Variants in PLOD3 observed in about 807,000 individuals in gnomAD.
The protein encoded by PLOD3 is procollagen-lysine,2-oxoglutarate 5-dioxygenase 3.
Under a neutral mutation model 96.9 loss-of-function variants are expected in PLOD3, and 73 were observed. That is an observed-to-expected ratio of 0.75 (90% confidence interval 0.62 to 0.92). The LOEUF (loss-of-function observed/expected upper bound fraction) is 0.92, where lower values mean the gene tolerates loss of function less well. PLOD3 is among the 40% of genes least tolerant of loss of function. The probability of loss-of-function intolerance (pLI) is 0.00; values close to 1 mark genes in which losing one functional copy is unlikely to be tolerated. For missense variants in PLOD3, 1,004 were observed against 1,004.3 expected, an observed-to-expected ratio of 1.00 and a Z score of 0.00; for synonymous variants, 454 against 413.7, an observed-to-expected ratio of 1.10 and a Z score of -1.18.
At chr7:101,207,537 G>A (rs1172337439) in intron 17 of PLOD3, 41 bp downstream of exon 17, 10 of 1,603,888 alleles carry the variant, frequency 6.2e-6, no homozygotes, top group African/African-American at 1.3e-5. Flanking sequence ...CGGGACTGGG[G>A]TGGGGAAGGT....
intron 16 of PLOD3, among the ~76,000 whole-genome samples, chr7:101,208,192 G>A (rs1757790464): frequency 6.6e-6 from 1 of 152,138 alleles, no homozygotes; most frequent in Non-Finnish European, 1.5e-5. Flanking sequence ...CTAACTCTGG[G>A]GCTCAAGTGA....
At chr7:101,216,942 G>A (rs1003250709) in intron 1 of PLOD3, 156 bp from the exon 2 acceptor site, 1 of 744,934 alleles carries the variant, frequency 1.3e-6, no homozygotes, top group Non-Finnish European at 2.3e-6. Context: ...GGAGGGCAGG[G>A]TGGGAGTGGT....
Position 101,207,704 on chromosome 7 carries a change from G to A in PLOD3, c.1809C>T (p.Gly603=), listed in dbSNP as rs1798111550. 3.1e-6 allele frequency: 5 copies of A among 1,613,786 alleles called. No homozygotes were observed. The highest frequency in any genetic ancestry group is 4.2e-6 in the Non-Finnish European group (5 of 1,179,936). Residue 603 remains glycine, a synonymous_variant, in exon 17 of 19, where the codon GGC becomes GGT. Coordinates refer to ENST00000223127, the MANE Select transcript of PLOD3 (RefSeq NM_001084.5). ...GRHEDSRLAG[G]YENVPTVDIH... ...TGTCCACGGTGGGCACATTCTCGTA[G>A]CCTCCAGCCAGCCTTGAATCCTGGG...
chr7:101,214,666 T>C (rs1798240136), intron 6 of PLOD3, among the ~76,000 whole-genome samples: 1 of 152,002 alleles, frequency 6.6e-6, no homozygotes, highest in Non-Finnish European at 1.5e-5. Context: ...GGTGAAACCC[T>C]GTCTCTACTA....
rs773548323 is a variant in PLOD3, at chr7:101,212,361, T to G, written c.1019A>C (p.Glu340Ala). The change falls in exon 10 of 19, where the codon GAA (glutamate) becomes GCA (alanine). Residue 340 changes from glutamate (E) to alanine (A), a missense_variant. Glu to Ala is a moderately radical substitution (Grantham distance 107). Around this residue, in one of 5 missense-constraint regions of PLOD3, gnomAD observed 690 missense variants for 650.2 expected, o/e 1.06. Coordinates refer to ENST00000223127, the MANE Select transcript of PLOD3 (RefSeq NM_001084.5). The part of the protein sequence containing the change: ...LFLHNNEVFH[E>A]PHIADSWPQL... The stretch of plus-strand genomic sequence containing the variant: ...CGGCCAGGAGTCAGCGATGTGGGGT[T>G]CATGGAAGACCTCCTGGGAGGGGAA... The G allele has an allele frequency of 1.2e-6, 2 of 1,613,582 alleles. No homozygotes were observed. The highest frequency in any genetic ancestry group is 1.7e-6 in the Non-Finnish European group (2 of 1,179,894).
chr7:101,211,514 C>T lies in PLOD3; in HGVS notation c.1358+77G>A. 9 of 1,485,974 alleles carry T rather than the reference C, an allele frequency of 6.1e-6. No homozygotes were observed. The South Asian group carries it at 1.1e-4, about 18-fold the overall frequency. The allele number at this position is 1,485,974 out of a possible 1,614,324, so 92.0% of individuals were successfully genotyped here. On this transcript the variant is annotated intron_variant, in intron 12 of 18. Coordinates refer to ENST00000223127, the MANE Select transcript of PLOD3 (RefSeq NM_001084.5). ...CCTCTGACTGGTGACCACTCCAAAC[C>T]CCTGAGAGTAGGGGGCTTGGGTCTA...
chr7:101,217,179 G>A lies in PLOD3; in HGVS notation c.96C>T (p.Asp32=). ...ASASDRPRGR[D]PVNPEKLLVI... The stretch of plus-strand genomic sequence containing the variant: ...CCGGGATCTCACCTGGGTTGACCGG[G>A]TCTCGGCCCCGGGGCCGGTCGGAGG... Residue 32 remains aspartate, a synonymous_variant, in exon 1 of 19, where the codon GAC becomes GAT. Coordinates refer to ENST00000223127, the MANE Select transcript of PLOD3 (RefSeq NM_001084.5). 6.7e-7 allele frequency: 1 copy of A among 1,490,398 alleles called. No individual in the cohort carries two copies. Among genetic ancestry groups the A allele is most frequent in the Admixed American group, 2.4e-5 (1 of 42,362 alleles). The allele number at this position is 1,490,398 out of a possible 1,614,324, so 92.3% of individuals were successfully genotyped here.
At position 101,213,164 on chromosome 7, in the gene PLOD3, G is replaced by T. The variant is rs779123311; in HGVS notation, c.720C>A (p.Ile240=). The T allele has an allele frequency of 1.2e-6, 2 of 1,613,778 alleles. No homozygotes were observed. The highest frequency in any genetic ancestry group is 8.5e-7 in the Non-Finnish European group (1 of 1,179,762). ...VLKFDRNRVR[I]RNVAYDTLPI... ...GGAGCGTGTCGTAGGCCACGTTCCGGATACGCACACGGTTCCGATCAAACT... is the reference window on the plus strand; with the variant it reads ...GGAGCGTGTCGTAGGCCACGTTCCGTATACGCACACGGTTCCGATCAAACT... Residue 240 remains isoleucine (I), a synonymous_variant, in exon 7 of 19, where the codon ATC becomes ATA. Transcript: ENST00000223127.
At position 101,206,843 on chromosome 7, in the gene PLOD3, G is replaced by GGCCGCAGAGACGGCT. The variant is rs1191811463; in HGVS notation, c.1982_1996dup (p.Gln661_Arg665dup). 2 of 1,571,168 alleles carry GGCCGCAGAGACGGCT rather than the reference G, an allele frequency of 1.3e-6. No individual in the cohort carries two copies. Among genetic ancestry groups the GGCCGCAGAGACGGCT allele is most frequent in the Non-Finnish European group, 1.7e-6 (2 of 1,157,886 alleles). On this transcript the variant is annotated inframe_insertion, in exon 18 of 19. Coordinates refer to ENST00000223127, the MANE Select transcript of PLOD3 (RefSeq NM_001084.5). ...GGTGAAGGTGGATGAGTCGTGGTGT[G>GGCCGCAGAGACGGCT]GCCGCAGAGACGGCTGCTCGTCTGG...
Position 101,211,863 on chromosome 7 carries a change from G to T in PLOD3, c.1215C>A (p.Ile405=). 1.9e-6 allele frequency: 3 copies of T among 1,612,384 alleles called. No individual in the cohort carries two copies. Among genetic ancestry groups the T allele is most frequent in the Non-Finnish European group, 1.7e-6 (2 of 1,179,102 alleles). ...AVLTNLQTLR[I]LIEENRKVIA... Reference sequence around the variant, plus strand: ...TAAGCCACCTGTTCTCCTCAATGAGGATACGCAGGGTCTGCAGGTTGGTGA... The same window carrying T: ...TAAGCCACCTGTTCTCCTCAATGAGTATACGCAGGGTCTGCAGGTTGGTGA... Residue 405 remains isoleucine, a synonymous_variant, in exon 11 of 19, where the codon ATC becomes ATA. Coordinates refer to ENST00000223127, the MANE Select transcript of PLOD3 (RefSeq NM_001084.5).
At chr7:101,213,298 G>A in intron 6 of PLOD3, 94 bp from the exon 7 acceptor site, 1 of 824,856 alleles carries the variant, frequency 1.2e-6, no homozygotes, top group Admixed American at 2.0e-5. Flanking sequence ...ATTCTCCAGG[G>A]AATAAAGGGA....
intron 1 of PLOD3, 100 bp from the exon 2 acceptor site, chr7:101,216,886 C>T: frequency 7.0e-6 from 6 of 858,512 alleles, no homozygotes; most frequent in Non-Finnish European, 1.2e-5. Flanking sequence ...CCCTTTCTTC[C>T]TTCCCATTCT....
Position 101,206,016 on chromosome 7 carries a change from C to T in PLOD3, c.*265G>A, listed in dbSNP as rs945113555. ...CTGTCCTTTATTCAGAGTGAGACTG[C>T]GGAACATTAATAATTTATCACGCGG... is the stretch of plus-strand genomic sequence containing the variant. On this transcript the variant is annotated 3_prime_UTR_variant, in exon 19 of 19. Coordinates refer to ENST00000223127, the MANE Select transcript of PLOD3 (RefSeq NM_001084.5). The T allele has an allele frequency of 3.2e-5, 18 of 564,684 alleles. No individual in the cohort carries two copies. Among genetic ancestry groups the T allele is most frequent in the African/African-American group, 1.7e-4 (9 of 53,252 alleles). 35.0% of individuals were successfully genotyped at this position (564,684 alleles called of 1,614,324 possible). A position where few individuals can be genotyped will look rare whatever the true frequency, so the allele number is the denominator to read the frequency against.
chr7:101,206,477 T>G, intron 18 of PLOD3, 41 bp from the exon 19 acceptor site: 2 of 1,549,696 alleles, frequency 1.3e-6, no homozygotes, highest in Non-Finnish European at 1.7e-6. Context: ...TGAGCAGACG[T>G]GGGGCCTGGG....
chr7:101,212,002 TG>T, intron 10 of PLOD3, 52 bp from the exon 11 acceptor site: 1 of 1,258,248 alleles, frequency 7.9e-7, no homozygotes. Context: ...GCGGTGTGGA[TG>T]GGGTAACTGG....
At position 101,208,833 on chromosome 7, in the gene PLOD3, C is replaced by T. The variant is rs779778600; in HGVS notation, c.1788+20G>A. ...CTCCTCCTCTGGGAAGGCCTCTGCC[C>T]TCCTCGCCCAGGCCCTTACCTCATG... On this transcript the variant is annotated intron_variant, in intron 16 of 18. Transcript: ENST00000223127. The T allele has an allele frequency of 1.3e-6, 2 of 1,505,210 alleles. No homozygotes were observed. The allele number at this position is 1,505,210 out of a possible 1,614,324, so 93.2% of individuals were successfully genotyped here.
intron 11 of PLOD3, 56 bp downstream of exon 11, chr7:101,211,790 G>T: frequency 6.3e-7 from 1 of 1,583,462 alleles, no homozygotes. Context: ...GGCAGGAGTG[G>T]GGTTCCCGGG....
At chr7:101,212,726 C>T in intron 8 of PLOD3, 71 bp from the exon 9 acceptor site, 2 of 1,605,052 alleles carry the variant, frequency 1.2e-6, no homozygotes, top group South Asian at 1.1e-5. Context: ...CAACCTCCAC[C>T]CTGACAGGTG....
At chr7:101,208,981 A>G in intron 15 of PLOD3, 24 bp from the exon 16 acceptor site, 11 of 1,532,428 alleles carry the variant, frequency 7.2e-6, no homozygotes, top group Non-Finnish European at 9.9e-6. Context: ...GAGGGAGAAC[A>G]GGGCTAGCTG....
Sources: allele counts gnomAD v4.1 joint callset (sites outside exome capture counted in the v4.1 genomes callset), GRCh38; gene constraint gnomAD v4.1.1; regional missense constraint gnomAD v4.1.1; transcripts MANE v1.5; gene names NCBI Gene and HGNC (gene_info 2026-07-23, HGNC 2026-07-21).